The following PCLO variants were observed in gnomAD, a reference collection of about 807,000 sequenced individuals.
The protein encoded by PCLO is protein piccolo.
Under a neutral mutation model 427.5 loss-of-function variants are expected in PCLO, and 82 were observed. That is an observed-to-expected ratio of 0.19 (90% CI 0.16 to 0.23). The LOEUF is 0.23. Ranked by LOEUF, PCLO falls within the 10% of genes least tolerant of loss-of-function variation. The pLI, the probability that PCLO is intolerant of heterozygous loss-of-function variation, is 1.00. For missense variants in PCLO, 6,239 were observed against 6,115.9 expected, an observed-to-expected ratio of 1.02 and a Z score of -0.67; for synonymous variants, 2,357 against 2,155.4, an observed-to-expected ratio of 1.09 and a Z score of -2.59.
chr7:82,888,530 A>G lies in PCLO; in HGVS notation c.13529-9068T>C, dbSNP rs116770815. 5.7e-3 allele frequency among the ~76,000 whole-genome samples: 868 copies of G among 152,260 alleles called. 11 individuals are homozygous for G. The highest frequency in any genetic ancestry group is 0.02 in the African/African-American group (819 of 41,548). On this transcript the variant is annotated intron_variant, in intron 9 of 24. Transcript: ENST00000333891. ...CAAAGGTGATCCAACCTATTTATTCAAACTTCTGTGTATCTTATTCATTCA... is the reference window on the plus strand; with the variant it reads ...CAAAGGTGATCCAACCTATTTATTCGAACTTCTGTGTATCTTATTCATTCA...
chr7:82,847,366 A>G lies in PCLO; in HGVS notation c.13655-119T>C. On this transcript the variant is annotated intron_variant, in intron 10 of 24. Transcript: ENST00000333891. ...AACTCAGCACACCATTTTAGAGAAC[A>G]TCAGTTCCAAGTTCTCTGCAACATT... 12 of 600,574 alleles carry G rather than the reference A, an allele frequency of 2.0e-5. No homozygotes were observed. In the South Asian group the frequency reaches 2.1e-4, roughly 10 times the overall value. The allele number at this position is 600,574 out of a possible 1,614,324, so 37.2% of individuals were successfully genotyped here. A position where few individuals can be genotyped will look rare whatever the true frequency, so the allele number is the denominator to read the frequency against.
chr7:82,851,351 G>A (rs956186963), intron 10 of PCLO, among the ~76,000 whole-genome samples: 7 of 151,714 alleles, frequency 4.6e-5, no homozygotes, highest in Admixed American at 4.0e-4. Context: ...CCAGAAGGTG[G>A]ATCCATCCTG....
At chr7:83,034,548 A>C (rs531427845) in intron 3 of PCLO, among the ~76,000 whole-genome samples, 13 of 152,164 alleles carry the variant, frequency 8.5e-5, no homozygotes, top group Non-Finnish European at 1.8e-4. Flanking sequence ...ACTTTCCAAT[A>C]ATGATGCAGA....
At chr7:83,113,139 G>A (rs995987478) in intron 3 of PCLO, among the ~76,000 whole-genome samples, 2 of 152,134 alleles carry the variant, frequency 1.3e-5, no homozygotes, top group Admixed American at 6.5e-5. Flanking sequence ...CTTCCTAATC[G>A]TTACAGCAGC....
chr7:83,130,221 C>A (rs531013461), intron 3 of PCLO, among the ~76,000 whole-genome samples: 1 of 152,124 alleles, frequency 6.6e-6, no homozygotes, highest in African/African-American at 2.4e-5. Context: ...TCTGTGTTGT[C>A]CACGCTGGAG....
rs1398094301 is a variant in PCLO, at chr7:83,155,884, C to G, written c.757G>C (p.Gly253Arg). 2 of 1,613,816 alleles carry G rather than the reference C, an allele frequency of 1.2e-6. No individual in the cohort carries two copies. The highest frequency in any genetic ancestry group is 3.3e-5 in the Admixed American group (2 of 59,998). The part of the protein sequence containing the change: ...QPEKIKSQPP[G>R]TGKPIQGPTQ... Reference sequence around the variant, plus strand: ...GGACCCTGAATTGGCTTTCCTGTACCTGGAGGTTGTGATTTAATTTTTTCT... The same window carrying G: ...GGACCCTGAATTGGCTTTCCTGTACGTGGAGGTTGTGATTTAATTTTTTCT... The change falls in exon 2 of 25, where the codon GGT becomes CGT. Residue 253 changes from glycine to arginine, a missense_variant. By Grantham distance (125) the Gly-to-Arg change is moderately radical. Transcript: ENST00000333891.
intron 20 of PCLO, among the ~76,000 whole-genome samples, chr7:82,810,164 G>A (rs1244344498): frequency 3.3e-5 from 5 of 151,336 alleles, no homozygotes; most frequent in African/African-American, 1.2e-4. Flanking sequence ...GTTATTGAGG[G>A]AAATAATATT....
intron 3 of PCLO, among the ~76,000 whole-genome samples, chr7:83,045,504 AT>A (rs1036353445): frequency 6.6e-6 from 1 of 152,034 alleles, no homozygotes; most frequent in African/African-American, 2.4e-5. Flanking sequence ...ATATTTGCAT[AT>A]ATGCATGGAT....
At chr7:82,773,950 G>A (rs1460113547) in intron 22 of PCLO, among the ~76,000 whole-genome samples, 2 of 152,156 alleles carry the variant, frequency 1.3e-5, no homozygotes, top group South Asian at 2.1e-4. Flanking sequence ...GTTTTGCAGA[G>A]GTTATGACTT....
chr7:82,818,672 G>A (rs1791726188), intron 20 of PCLO, among the ~76,000 whole-genome samples: 1 of 152,180 alleles, frequency 6.6e-6, no homozygotes, highest in South Asian at 2.1e-4. Context: ...ACAAGACAAT[G>A]TTATATTTGT....
chr7:83,005,228 T>C (rs1787918055), intron 3 of PCLO, among the ~76,000 whole-genome samples: 1 of 151,722 alleles, frequency 6.6e-6, no homozygotes, highest in Admixed American at 6.6e-5. Flanking sequence ...TGGAATATCA[T>C]TCAGCCTTAA....
intron 8 of PCLO, among the ~76,000 whole-genome samples, chr7:82,905,170 CT>C (rs1410751843): frequency 1.3e-5 from 2 of 152,042 alleles, no homozygotes; most frequent in African/African-American, 4.8e-5. Flanking sequence ...TTATCATTGT[CT>C]TTTGGTGATT....
intron 3 of PCLO, among the ~76,000 whole-genome samples, chr7:83,107,713 A>AGCCG (rs1562967491): frequency 5.5e-5 from 7 of 126,868 alleles, no homozygotes; most frequent in African/African-American, 1.7e-4. Context: ...AGAAGAGAAT[A>AGCCG]TGTGCGGTGG....
chr7:82,783,641 A>G (rs927266401), intron 22 of PCLO, among the ~76,000 whole-genome samples: 1 of 152,148 alleles, frequency 6.6e-6, no homozygotes, highest in Non-Finnish European at 1.5e-5. Context: ...CAACCAAACA[A>G]AAATTGCACC....
intron 10 of PCLO, among the ~76,000 whole-genome samples, chr7:82,856,511 G>T (rs1049366092): frequency 5.3e-5 from 8 of 152,022 alleles, no homozygotes; most frequent in African/African-American, 7.2e-5. Flanking sequence ...TGTGTTATTT[G>T]GAACAGACTG....
chr7:82,911,070 ATG>A (rs1794308921), intron 7 of PCLO, among the ~76,000 whole-genome samples: 1 of 152,126 alleles, frequency 6.6e-6, no homozygotes, highest in Non-Finnish European at 1.5e-5. Context: ...ATTCTTTGAA[ATG>A]TGTGTTTTGT....
intron 6 of PCLO, among the ~76,000 whole-genome samples, chr7:82,933,896 C>CA (rs1218071453): frequency 6.6e-6 from 1 of 151,874 alleles, no homozygotes; most frequent in Non-Finnish European, 1.5e-5. Flanking sequence ...TAAGATTACT[C>CA]AGAGAAATGA....
At chr7:83,114,149 C>A (rs1412486617) in intron 3 of PCLO, among the ~76,000 whole-genome samples, 1 of 152,120 alleles carries the variant, frequency 6.6e-6, no homozygotes, top group African/African-American at 2.4e-5. Context: ...CTAAATGCTG[C>A]TTTTCCTTCA....
chr7:82,846,679 GAGACAA>G (rs1235447688), intron 11 of PCLO, 45 bp from the exon 12 acceptor site: 13 of 1,317,352 alleles, frequency 9.9e-6, no homozygotes, highest in Admixed American at 2.1e-5. Flanking sequence ...GAGGAAATCT[GAGACAA>G]AGAGCACTTT....
Sources: gnomAD v4.1 joint callset for allele counts (sites outside exome capture counted in the v4.1 genomes callset) on GRCh38, gnomAD v4.1.1 for gene constraint, MANE v1.5 for transcripts, NCBI Gene and HGNC (gene_info 2026-07-23, HGNC 2026-07-21) for gene names.